ACTB: variants seen among roughly 807,000 people sequenced by gnomAD.
The protein encoded by ACTB is actin beta.
A neutral mutation model predicts 30.5 loss-of-function variants in ACTB; 2 were observed. The observed-to-expected ratio is 0.07, with a 90% CI of 0.03 to 0.21. The LOEUF (loss-of-function observed/expected upper bound fraction) is 0.21, where lower values mean the gene tolerates loss of function less well. ACTB is among the 10% of genes least tolerant of loss of function. The pLI is 1.00. For synonymous variants in ACTB, 335 were observed against 217.6 expected (o/e 1.54, Z -4.75); for missense variants, 56 against 530.0 (o/e 0.11, Z 8.78).
rs1162214931 is a variant in ACTB at position 5,530,562 on chromosome 7, C to T, written c.-45G>A. 6.6e-6 allele frequency: 1 copy of T among 152,388 alleles called. No individual in the cohort carries two copies. Among genetic ancestry groups the T allele is most frequent in the African/African-American group, 2.4e-5 (1 of 41,354 alleles). The allele number at this position is 152,388 out of a possible 1,614,324, so 9.4% of individuals were successfully genotyped here. ...TGGACGGGCGGCGGATCGGCAAAGG[C>T]GAGGCTCTGTGCTCGCGGGGCGGAC... On this transcript the variant is annotated 5_prime_UTR_variant, in exon 1 of 6. Coordinates refer to ENST00000646664, the MANE Select transcript of ACTB (RefSeq NM_001101.5).
chr7:5,528,785 GA>G, intron 3 of ACTB, 66 bp from the exon 4 acceptor site: 1 of 1,570,470 alleles, frequency 6.4e-7, no homozygotes, highest in Non-Finnish European at 8.8e-7. Flanking sequence ...CCAGACGGGG[GA>G]CATGCAGAAA....
At chr7:5,529,898 C>T in intron 1 of ACTB, 1 of 622,834 alleles carries the variant, frequency 1.6e-6, no homozygotes, top group South Asian at 1.6e-5. Flanking sequence ...AGCCCCGCCT[C>T]CGCCCGGTTC....
Position 5,529,619 on chromosome 7 carries a change from G to A in ACTB, c.39C>T (p.Gly13=), listed in dbSNP as rs184750079. Residue 13 remains glycine (G), a synonymous_variant, in exon 2 of 6, where the codon GGC becomes GGT. Transcript: ENST00000646664. ...CGAAGCCGGCCTTGCACATGCCGGAGCCGTTGTCGACGACGAGCGCGGCGA... is the reference window on the plus strand; with the variant it reads ...CGAAGCCGGCCTTGCACATGCCGGAACCGTTGTCGACGACGAGCGCGGCGA... ...DDIAALVVDN[G]SGMCKAGFAG... 3.1e-6 allele frequency: 5 copies of A among 1,611,502 alleles called. No individual in the cohort carries two copies. The African/African-American group carries it at 5.3e-5, about 17-fold the overall frequency.
Position 5,528,247 on chromosome 7 carries a change from TGTCAGGCAGAGCCGGGAGACA to T in ACTB, c.802+13_802+33del. 6.2e-7 allele frequency: 1 copy of T among 1,613,736 alleles called. No homozygotes were observed. The highest frequency in any genetic ancestry group is 8.5e-7 in the Non-Finnish European group (1 of 1,179,678). Reference sequence around the variant, plus strand: ...GCACAGCCCCGAGGGGTAACCCTCATGTCAGGCAGAGCCGGGAGACAGTCTCCACTCACCCAGGAAGGAAGG... The same window carrying T: ...GCACAGCCCCGAGGGGTAACCCTCATGTCTCCACTCACCCAGGAAGGAAGG... On this transcript the variant is annotated intron_variant, in intron 4 of 5. Coordinates refer to ENST00000646664, the MANE Select transcript of ACTB (RefSeq NM_001101.5).
rs759740649 is a variant in ACTB at position 5,528,231 on chromosome 7, CGAGGG to C, written c.802+45_803-47del. 2.4e-5 allele frequency: 38 copies of C among 1,613,792 alleles called. No homozygotes were observed. The African/African-American group carries it at 4.3e-4, about 18-fold the overall frequency. ...GGACTTAGCTTCCACAGCACAGCCC[CGAGGG>C]GTAACCCTCATGTCAGGCAGAGCCG... On this transcript the variant is annotated intron_variant, in intron 4 of 5. Transcript: ENST00000646664.
Position 5,527,702 on chromosome 7 carries a change from T to A in ACTB, c.*46A>T, listed in dbSNP as rs761955678. 6.2e-7 allele frequency: 1 copy of A among 1,611,558 alleles called. No homozygotes were observed. Among genetic ancestry groups the A allele is most frequent in the South Asian group, 1.1e-5 (1 of 90,982 alleles). On this transcript the variant is annotated 3_prime_UTR_variant, in exon 6 of 6. Coordinates refer to ENST00000646664, the MANE Select transcript of ACTB (RefSeq NM_001101.5). ...ATCTCATCTTGTTTTCTGCGCAAGT[T>A]AGGTTTTGTCAAGAAAGGGTGTAAC... is the stretch of plus-strand genomic sequence containing the variant.
intron 3 of ACTB, chr7:5,528,936 T>TA: frequency 6.6e-7 from 1 of 1,512,502 alleles, no homozygotes; most frequent in Admixed American, 2.0e-5. Context: ...TGTTAGTACC[T>TA]ACACCCACAA....
Position 5,528,558 on chromosome 7 carries a change from G to T in ACTB, c.525C>A (p.Ile175=). The T allele has an allele frequency of 1.2e-6, 2 of 1,614,044 alleles. No individual in the cohort carries two copies. Among genetic ancestry groups the T allele is most frequent in the Non-Finnish European group, 1.7e-6 (2 of 1,180,030 alleles). The part of the protein sequence containing the change: ...IYEGYALPHA[I]LRLDLAGRDL... Reference sequence around the variant, plus strand: ...CCCGGCCAGCCAGGTCCAGACGCAGGATGGCATGGGGGAGGGCATACCCCT... The same window carrying T: ...CCCGGCCAGCCAGGTCCAGACGCAGTATGGCATGGGGGAGGGCATACCCCT... The change falls in exon 4 of 6, where the codon ATC becomes ATA. Residue 175 remains isoleucine, a synonymous_variant. Transcript: ENST00000646664.
In ACTB at chr7:5,527,318, A is replaced by C. The variant is rs1784784835; in HGVS notation, c.*430T>G. 1 of 256,048 alleles carries C rather than the reference A, an allele frequency of 3.9e-6. No individual in the cohort carries two copies. Among genetic ancestry groups the C allele is most frequent in the Admixed American group, 5.2e-5 (1 of 19,110 alleles). The allele number at this position is 256,048 out of a possible 1,614,324, so 15.9% of individuals were successfully genotyped here. ...AGGCTCATCATTCAAAATAAAACAA[A>C]ATAAAAAAGTATTAAGGCGAAGATT... is the stretch of plus-strand genomic sequence containing the variant. On this transcript the variant is annotated 3_prime_UTR_variant, in exon 6 of 6. Coordinates refer to ENST00000646664, the MANE Select transcript of ACTB (RefSeq NM_001101.5).
At position 5,527,992 on chromosome 7, in the gene ACTB, A is replaced by C. The variant is rs779757174; in HGVS notation, c.984+12T>G. 1 of 1,613,260 alleles carries C rather than the reference A, an allele frequency of 6.2e-7. No individual in the cohort carries two copies. The stretch of plus-strand genomic sequence containing the variant: ...ACCTGCCCAGGTCAGCTCAGGCAGG[A>C]AAGACACCCACCTTGATCTTCATTG... On this transcript the variant is annotated intron_variant, in intron 5 of 5. Transcript: ENST00000646664.
chr7:5,529,702 C>T (rs1554329725), intron 1 of ACTB, 39 bp from the exon 2 acceptor site: 1 of 1,610,414 alleles, frequency 6.2e-7, no homozygotes, highest in Non-Finnish European at 8.5e-7. Context: ...CCGAGGTCGC[C>T]CCCGCCCTGG....
Position 5,527,445 on chromosome 7 carries a change from G to A in ACTB, c.*303C>T. Reference sequence around the variant, plus strand: ...GCCATTCTCCTTAGAGAGAAGTGGGGTGGCTTTTAGGATGGCAAGGGACTT... The same window carrying A: ...GCCATTCTCCTTAGAGAGAAGTGGGATGGCTTTTAGGATGGCAAGGGACTT... On this transcript the variant is annotated 3_prime_UTR_variant, in exon 6 of 6. Transcript: ENST00000646664. 4.1e-6 allele frequency: 2 copies of A among 484,444 alleles called. No individual in the cohort carries two copies. The highest frequency in any genetic ancestry group is 7.5e-6 in the Non-Finnish European group (2 of 268,452). The allele number at this position is 484,444 out of a possible 1,614,324, so 30.0% of individuals were successfully genotyped here.
intron 1 of ACTB, 104 bp from the exon 2 acceptor site, chr7:5,529,767 G>C (rs777332586): frequency 6.4e-6 from 10 of 1,561,134 alleles, no homozygotes; most frequent in South Asian, 3.4e-5. Context: ...CGCGCGCCCA[G>C]ATTGGGGACA....
Position 5,527,372 on chromosome 7 carries a change from C to T in ACTB, c.*376G>A, listed in dbSNP as rs780886103. On this transcript the variant is annotated 3_prime_UTR_variant, in exon 6 of 6. Transcript: ENST00000646664. ...AAAATTTTGCATTACATAATTTACACGAAAGCAATGCTATCACCTCCCCTG... is the reference window on the plus strand; with the variant it reads ...AAAATTTTGCATTACATAATTTACATGAAAGCAATGCTATCACCTCCCCTG... 3 of 299,840 alleles carry T rather than the reference C, an allele frequency of 1.0e-5. No individual in the cohort carries two copies. The highest frequency in any genetic ancestry group is 4.4e-5 in the African/African-American group (2 of 45,052). The allele number at this position is 299,840 out of a possible 1,614,324, so 18.6% of individuals were successfully genotyped here. A position where few individuals can be genotyped will look rare whatever the true frequency, so the allele number is the denominator to read the frequency against.
chr7:5,530,336 GA>G (rs1784866179), intron 1 of ACTB, among the ~76,000 whole-genome samples, 187 bp downstream of exon 1: 1 of 152,040 alleles, frequency 6.6e-6, no homozygotes, highest in Non-Finnish European at 1.5e-5. Flanking sequence ...TCGCGCCTCC[GA>G]ACTGGCGTGG....
Position 5,528,076 on chromosome 7 carries a change from G to A in ACTB, c.912C>T (p.Thr304=). The A allele has an allele frequency of 6.2e-7, 1 of 1,614,234 alleles. No individual in the cohort carries two copies. The highest frequency in any genetic ancestry group is 8.5e-7 in the Non-Finnish European group (1 of 1,180,038). The part of the protein sequence containing the change: ...YANTVLSGGT[T]MYPGIADRMQ... ...TCCTGTCGGCAATGCCAGGGTACAT[G>A]GTGGTGCCGCCAGACAGCACTGTGT... Residue 304 remains threonine, a synonymous_variant, in exon 5 of 6, where the codon ACC becomes ACT. Transcript: ENST00000646664.
chr7:5,528,748 C>T (rs753367564), intron 3 of ACTB, 29 bp from the exon 4 acceptor site: 1 of 1,611,126 alleles, frequency 6.2e-7, no homozygotes, highest in Non-Finnish European at 8.5e-7. Context: ...CCATGTCACA[C>T]TGGGGAAGCC....
intron 2 of ACTB, 56 bp from the exon 3 acceptor site, chr7:5,529,456 C>T (rs1784835908): frequency 1.9e-6 from 3 of 1,613,284 alleles, no homozygotes; most frequent in Admixed American, 1.7e-5. Context: ...ACCCCGGAAA[C>T]CGGGAGGCTC....
Position 5,530,595 on chromosome 7 carries a change from C to T in ACTB, c.-78G>A, listed in dbSNP as rs375495178. ...TGTGCTCGCGGGGCGGACGCGGTCT[C>T]GGCGGTGGTGGCGCGTCGCGCCGCT... On this transcript the variant is annotated 5_prime_UTR_variant, in exon 1 of 6. Coordinates refer to ENST00000646664, the MANE Select transcript of ACTB (RefSeq NM_001101.5). 3 of 152,058 alleles carry T rather than the reference C, an allele frequency of 2.0e-5. No homozygotes were observed. The highest frequency in any genetic ancestry group is 6.6e-5 in the Admixed American group (1 of 15,244). The allele number at this position is 152,058 out of a possible 1,614,324, so 9.4% of individuals were successfully genotyped here.
Sources: gnomAD v4.1 joint callset for allele counts (sites outside exome capture counted in the v4.1 genomes callset) on GRCh38, gnomAD v4.1.1 for gene constraint, MANE v1.5 for transcripts, NCBI Gene and HGNC (gene_info 2026-07-23, HGNC 2026-07-21) for gene names.